SLC23A2: variants seen among roughly 807,000 people sequenced by gnomAD.
SLC23A2 encodes Na(+)/L-ascorbic acid transporter 2.
SLC23A2 carries 36 observed loss-of-function variants against 73.3 expected under a neutral mutation model. The ratio of observed to expected loss-of-function variants is 0.49; its 90% CI spans 0.38 to 0.65. SLC23A2 has a LOEUF of 0.65. Ranked by LOEUF, SLC23A2 falls within the 30% of genes least tolerant of loss-of-function variation. The probability of loss-of-function intolerance (pLI) is 0.00; values close to 1 mark genes in which losing one functional copy is unlikely to be tolerated. For missense variants in SLC23A2, 507 were observed against 841.6 expected, an observed-to-expected ratio of 0.60 and a Z score of 4.92; for synonymous variants, 343 against 327.3, an observed-to-expected ratio of 1.05 and a Z score of -0.52.
intron 4 of SLC23A2, among the ~76,000 whole-genome samples, chr20:4,911,298 C>T (rs1196065191): frequency 6.6e-6 from 1 of 152,128 alleles, no homozygotes; most frequent in Non-Finnish European, 1.5e-5. Flanking sequence ...TAATTAACCT[C>T]CATAAAATTT....
intron 1 of SLC23A2, among the ~76,000 whole-genome samples, chr20:4,992,418 T>C (rs1447262028): frequency 1.3e-5 from 2 of 152,092 alleles, no homozygotes; most frequent in Non-Finnish European, 2.9e-5. Context: ...AGCCAATTTT[T>C]TTTTAAAGAA....
At chr20:4,913,580 CAAAT>C (rs1932230176) in intron 3 of SLC23A2, among the ~76,000 whole-genome samples, 2 of 152,134 alleles carry the variant, frequency 1.3e-5, no homozygotes, top group South Asian at 2.1e-4. Context: ...TTTATAATAA[CAAAT>C]AACTAGTTTT....
intron 1 of SLC23A2, among the ~76,000 whole-genome samples, chr20:5,009,718 C>T (rs2088228314): frequency 6.6e-6 from 1 of 152,118 alleles, no homozygotes; most frequent in African/African-American, 2.4e-5. Context: ...TCAGGATTAA[C>T]CCCCAGGGTT....
Position 4,977,949 on chromosome 20 carries a change from T to C in SLC23A2, c.-281-7030A>G, listed in dbSNP as rs145937663. ...GTACTTATCATGAAAAAACGAAAGA[T>C]ACTGGTAGTGGCTCACACTGTATAA... On this transcript the variant is annotated intron_variant, in intron 1 of 16. Transcript: ENST00000338244. Among the ~76,000 whole-genome samples the C allele has an allele frequency of 1.1e-4, 17 of 152,106 alleles. No individual in the cohort carries two copies. The East Asian group carries it at 2.9e-3, about 26-fold the overall frequency.
chr20:4,972,172 G>T (rs1053276844), intron 1 of SLC23A2, among the ~76,000 whole-genome samples: 3 of 152,156 alleles, frequency 2.0e-5, no homozygotes, highest in Non-Finnish European at 2.9e-5. Context: ...AGAAAAACGT[G>T]CAAGGCAACC....
At chr20:4,914,994 T>C (rs1932275368) in intron 3 of SLC23A2, among the ~76,000 whole-genome samples, 1 of 152,140 alleles carries the variant, frequency 6.6e-6, no homozygotes, top group Non-Finnish European at 1.5e-5. Context: ...CCAGCCTGGG[T>C]GACCGAGCAA....
At chr20:4,976,479 C>A (rs1426086364) in intron 1 of SLC23A2, among the ~76,000 whole-genome samples, 1 of 151,550 alleles carries the variant, frequency 6.6e-6, no homozygotes, top group African/African-American at 2.4e-5. Flanking sequence ...AGTTCGAGAC[C>A]AGCCTGGCCA....
chr20:4,899,819 A>G lies in SLC23A2; in HGVS notation c.325-107T>C. On this transcript the variant is annotated intron_variant, in intron 5 of 16. Transcript: ENST00000338244. The surrounding 1 kb of genome is among the most constrained non-coding windows in gnomAD (Gnocchi z 4.9). ...ATTGTCGTTAAAAAATAGCCCACAT[A>G]AAGAATCTCCTTGGTTTTTCGACCA... is the stretch of plus-strand genomic sequence containing the variant. 8.7e-7 allele frequency: 1 copy of G among 1,146,260 alleles called. No individual in the cohort carries two copies. The highest frequency in any genetic ancestry group is 1.2e-6 in the Non-Finnish European group (1 of 802,388). 71.0% of individuals were successfully genotyped at this position (1,146,260 alleles called of 1,614,324 possible).
chr20:4,880,904 G>A (rs1226601942), intron 9 of SLC23A2, among the ~76,000 whole-genome samples: 1 of 152,184 alleles, frequency 6.6e-6, no homozygotes, highest in African/African-American at 2.4e-5. Flanking sequence ...GGGGAGAGAG[G>A]AGGACCCCTG....
chr20:4,912,054 A>G (rs867623196), intron 4 of SLC23A2, among the ~76,000 whole-genome samples: 2 of 144,570 alleles, frequency 1.4e-5, no homozygotes, highest in African/African-American at 5.2e-5. Flanking sequence ...TACGTTGCCC[A>G]GGCTGGTCTC....
At chr20:4,960,255 T>C (rs531815680) in intron 2 of SLC23A2, among the ~76,000 whole-genome samples, 59 of 152,336 alleles carry the variant, frequency 3.9e-4, no homozygotes, top group African/African-American at 1.4e-3. Context: ...AGTTTAGTAA[T>C]ATGAAGTATT....
chr20:4,898,480 C>G (rs1217046919), intron 6 of SLC23A2, among the ~76,000 whole-genome samples: 1 of 152,194 alleles, frequency 6.6e-6, no homozygotes, highest in Non-Finnish European at 1.5e-5. Context: ...CACCTCCCAC[C>G]GCAGGGAGGG....
At chr20:4,989,066 C>T (rs913090663) in intron 1 of SLC23A2, among the ~76,000 whole-genome samples, 2 of 151,240 alleles carry the variant, frequency 1.3e-5, no homozygotes, top group African/African-American at 4.9e-5. Context: ...TGGTGAAACC[C>T]CATCTCTACT....
At chr20:5,009,828 G>A (rs1346438451) in intron 1 of SLC23A2, among the ~76,000 whole-genome samples, 1 of 152,186 alleles carries the variant, frequency 6.6e-6, no homozygotes, top group Admixed American at 6.5e-5. Context: ...AGGCGCGGTG[G>A]CTCACGCCTG....
At chr20:4,914,484 T>C (rs1932259825) in intron 3 of SLC23A2, among the ~76,000 whole-genome samples, 1 of 152,090 alleles carries the variant, frequency 6.6e-6, no homozygotes, top group Non-Finnish European at 1.5e-5. Context: ...TCCTGTGTTC[T>C]TGGAGAGAAC....
intron 1 of SLC23A2, among the ~76,000 whole-genome samples, chr20:4,977,554 T>C (rs951777001): frequency 3.3e-5 from 5 of 151,418 alleles, no homozygotes; most frequent in African/African-American, 1.2e-4. Flanking sequence ...AAAAATTAGC[T>C]GGGCATGGTG....
At chr20:4,864,035 G>A (rs915688488) in intron 13 of SLC23A2, among the ~76,000 whole-genome samples, 3 of 152,136 alleles carry the variant, frequency 2.0e-5, no homozygotes, top group Non-Finnish European at 4.4e-5. Context: ...GGCACCACAC[G>A]TGAGAGGTGG....
intron 1 of SLC23A2, among the ~76,000 whole-genome samples, chr20:4,996,709 A>AC (rs1568662359): frequency 1.4e-5 from 1 of 71,912 alleles, no homozygotes; most frequent in African/African-American, 3.4e-5. Context: ...AAAAAAAAAA[A>AC]CAACAACTCA....
intron 4 of SLC23A2, among the ~76,000 whole-genome samples, chr20:4,910,659 C>T (rs539727938): frequency 6.6e-6 from 1 of 152,274 alleles, no homozygotes; most frequent in South Asian, 2.1e-4. Flanking sequence ...TGGTCTTGAA[C>T]TCCTGACCTC....
Sources: allele counts gnomAD v4.1 joint callset (sites outside exome capture counted in the v4.1 genomes callset), GRCh38; gene constraint gnomAD v4.1.1; non-coding constraint Gnocchi (gnomAD v3.1); transcripts MANE v1.5; gene names NCBI Gene and HGNC (gene_info 2026-07-23, HGNC 2026-07-21).